The following MPRIP variants were observed in gnomAD, a reference collection of about 807,000 sequenced individuals.
The protein encoded by MPRIP is myosin phosphatase Rho-interacting protein.
A neutral mutation model predicts 234.9 loss-of-function variants in MPRIP; 59 were observed. The observed-to-expected ratio is 0.25, with a 90% CI of 0.20 to 0.31. The LOEUF (loss-of-function observed/expected upper bound fraction) is 0.31, where lower values mean the gene tolerates loss of function less well. MPRIP is among the 10% of genes least tolerant of loss of function. The probability of loss-of-function intolerance (pLI) is 1.00; values close to 1 mark genes in which losing one functional copy is unlikely to be tolerated. For missense variants in MPRIP, 2,436 were observed against 3,071.0 expected (o/e 0.79, Z 4.89); for synonymous variants, 1,144 against 1,263.9 (o/e 0.91, Z 2.01).
At chr17:17,128,112 CAG>C (rs2144400450) in intron 4 of MPRIP, among the ~76,000 whole-genome samples, 1 of 152,342 alleles carries the variant, frequency 6.6e-6, no homozygotes, top group South Asian at 2.1e-4. Context: ...GGCCTAGAGA[CAG>C]GAGCCTGGCC....
At chr17:17,131,128 A>T (rs555315870) in intron 4 of MPRIP, among the ~76,000 whole-genome samples, 1 of 152,026 alleles carries the variant, frequency 6.6e-6, no homozygotes, top group South Asian at 2.1e-4. Context: ...GGTGCCCAGC[A>T]CCCTCCCTCT....
In MPRIP at chr17:17,167,660, C is replaced by G. The variant is rs749312303; in HGVS notation, c.6069C>G (p.His2023Gln). 3.6e-4 allele frequency: 475 copies of G among 1,304,142 alleles called. No homozygotes were observed. The highest frequency in any genetic ancestry group is 4.6e-4 in the Non-Finnish European group (454 of 988,970). The allele number at this position is 1,304,142 out of a possible 1,614,324, so 80.8% of individuals were successfully genotyped here. Residue 2023 changes from histidine (H) to glutamine (Q), a missense_variant, in exon 16 of 24, where the codon CAC (histidine) becomes CAG (glutamine). Physicochemically the swap from His to Gln is conservative, Grantham distance 24. Transcript: ENST00000651222. This position sits in a 1 kb window ranked among gnomAD's most constrained non-coding sequence, Gnocchi z 5.9. ...AGGAGCTGAGGACCCTGCAGGAGCA[C>G]TACTCGCAGAGCCTGAGGTGCCTTC... ...HEEELRTLQEHYSQSLRCLQD... is the reference protein window; with the variant it reads ...HEEELRTLQEQYSQSLRCLQD...
chr17:17,127,336 A>ACTGC (rs2090512456), intron 4 of MPRIP, among the ~76,000 whole-genome samples: 2 of 152,154 alleles, frequency 1.3e-5, no homozygotes, highest in South Asian at 4.1e-4. Flanking sequence ...CCAGCACCTC[A>ACTGC]CACCCGAGCC....
At chr17:17,067,304 G>C (rs1455141502) in intron 1 of MPRIP, among the ~76,000 whole-genome samples, 1 of 152,038 alleles carries the variant, frequency 6.6e-6, no homozygotes, top group Non-Finnish European at 1.5e-5. Flanking sequence ...TCAAATTGCT[G>C]TCATCACTAC....
chr17:17,079,710 G>A (rs1228144297), intron 3 of MPRIP, among the ~76,000 whole-genome samples: 1 of 152,240 alleles, frequency 6.6e-6, no homozygotes, highest in Non-Finnish European at 1.5e-5. Context: ...TTTCCTTGGG[G>A]ACTGATAATT....
chr17:17,120,533 C>T (rs1426763898), intron 3 of MPRIP, among the ~76,000 whole-genome samples: 1 of 152,090 alleles, frequency 6.6e-6, no homozygotes, highest in Non-Finnish European at 1.5e-5. Flanking sequence ...TGTCCTCCTG[C>T]CTAAACAATC....
At chr17:17,157,451 A>G (rs934766790) in intron 13 of MPRIP, among the ~76,000 whole-genome samples, 1 of 152,156 alleles carries the variant, frequency 6.6e-6, no homozygotes, top group Non-Finnish European at 1.5e-5. Context: ...ACTCGTGGCC[A>G]CCTGGGCCTC....
At chr17:17,157,151 C>T (rs1351676230) in intron 13 of MPRIP, among the ~76,000 whole-genome samples, 2 of 152,194 alleles carry the variant, frequency 1.3e-5, no homozygotes, top group African/African-American at 4.8e-5. Flanking sequence ...CTCAAACACT[C>T]CCAGCCTCCT....
intron 14 of MPRIP, among the ~76,000 whole-genome samples, chr17:17,159,936 C>T (rs1021662493): frequency 6.6e-6 from 1 of 152,160 alleles, no homozygotes; most frequent in African/African-American, 2.4e-5. Context: ...TTTCATTTTC[C>T]TCATCCATTA....
chr17:17,094,613 T>A (rs1226985739), intron 3 of MPRIP, among the ~76,000 whole-genome samples: 1 of 151,006 alleles, frequency 6.6e-6, no homozygotes, highest in Non-Finnish European at 1.5e-5. Context: ...CTCTCCTCTC[T>A]TCACTGTCTT....
chr17:17,177,116 CAG>C (rs2046271826), intron 21 of MPRIP, 132 bp from the exon 22 acceptor site: 2 of 863,200 alleles, frequency 2.3e-6, no homozygotes, highest in Non-Finnish European at 3.7e-6. Flanking sequence ...CTCTAGAAGA[CAG>C]AGGTGAACAA....
chr17:17,072,481 A>G (rs547367958), intron 1 of MPRIP, among the ~76,000 whole-genome samples: 2 of 152,334 alleles, frequency 1.3e-5, no homozygotes, highest in South Asian at 4.1e-4. Context: ...TGTCATAGCA[A>G]TGTAATTACG....
chr17:17,177,525 G>A, intron 22 of MPRIP, 113 bp downstream of exon 22: 4 of 1,187,256 alleles, frequency 3.4e-6, no homozygotes, highest in Non-Finnish European at 4.7e-6. Context: ...GATGCTTGTA[G>A]ACCCAGGCAT....
Position 17,164,683 on chromosome 17 carries a change from A to C in MPRIP, c.3092A>C (p.Lys1031Thr). Residue 1031 changes from lysine to threonine, a missense_variant, in exon 16 of 24, where the codon AAG (lysine) becomes ACG (threonine). By Grantham distance (78) the Lys-to-Thr change is moderately conservative. This residue lies in a region of MPRIP where 1,998 missense variants were observed against 2,520.3 expected (regional missense o/e 0.79). Coordinates refer to ENST00000651222, the MANE Select transcript of MPRIP (RefSeq NM_001364716.4). ...NYELLLESCEKEKQALLQNLK... is the reference protein window; with the variant it reads ...NYELLLESCETEKQALLQNLK... ...GAGCTGCTGCTGGAGAGCTGTGAGA[A>C]GGAGAAGCAGGCATTGCTGCAGAAC... is the stretch of plus-strand genomic sequence containing the variant. 1 of 1,264,116 alleles carries C rather than the reference A, an allele frequency of 7.9e-7. No homozygotes were observed. Among genetic ancestry groups the C allele is most frequent in the South Asian group, 1.3e-5 (1 of 74,916 alleles). 78.3% of individuals were successfully genotyped at this position (1,264,116 alleles called of 1,614,324 possible).
intron 5 of MPRIP, among the ~76,000 whole-genome samples, chr17:17,132,760 G>A (rs2090622666): frequency 1.4e-5 from 2 of 145,528 alleles, no homozygotes; most frequent in South Asian, 4.1e-4. Context: ...GGAGGCAGGT[G>A]GGGGACACCC....
In MPRIP at chr17:17,164,230, C is replaced by T; in HGVS notation, c.2639C>T (p.Thr880Ile). ...RQELITHQIQTLKRSYGEAKD... is the reference protein window; with the variant it reads ...RQELITHQIQILKRSYGEAKD... ...GAGCTGATTACACACCAGATTCAGA[C>T]CCTGAAGCGTAGCTATGGGGAGGCC... The change falls in exon 16 of 24, where the codon ACC becomes ATC. Residue 880 changes from threonine (T) to isoleucine (I), a missense_variant. This residue lies in a region of MPRIP where 1,998 missense variants were observed against 2,520.3 expected (regional missense o/e 0.79). Coordinates refer to ENST00000651222, the MANE Select transcript of MPRIP (RefSeq NM_001364716.4). 1 of 1,304,364 alleles carries T rather than the reference C, an allele frequency of 7.7e-7. No homozygotes were observed. The highest frequency in any genetic ancestry group is 1.0e-6 in the Non-Finnish European group (1 of 989,006). The allele number at this position is 1,304,364 out of a possible 1,614,324, so 80.8% of individuals were successfully genotyped here. A position where few individuals can be genotyped will look rare whatever the true frequency, so the allele number is the denominator to read the frequency against.
intron 1 of MPRIP, among the ~76,000 whole-genome samples, chr17:17,065,801 T>C (rs2089006952): frequency 6.6e-6 from 1 of 152,230 alleles, no homozygotes; most frequent in Non-Finnish European, 1.5e-5. Context: ...ACATTATGTC[T>C]CTCTTATTTA....
intron 18 of MPRIP, among the ~76,000 whole-genome samples, chr17:17,173,587 C>T (rs1479380774): frequency 6.6e-6 from 1 of 152,178 alleles, no homozygotes; most frequent in Non-Finnish European, 1.5e-5. Context: ...CAGATGGCTT[C>T]AAAAGTGGGT....
At chr17:17,169,555 G>A (rs1462514838) in intron 16 of MPRIP, among the ~76,000 whole-genome samples, 1 of 152,258 alleles carries the variant, frequency 6.6e-6, no homozygotes, top group African/African-American at 2.4e-5. Context: ...AACAGATGAT[G>A]CAGGTCGGGA....
Sources: gnomAD v4.1 joint callset for allele counts (sites outside exome capture counted in the v4.1 genomes callset) on GRCh38, gnomAD v4.1.1 for gene constraint, gnomAD v4.1.1 regional missense constraint, Gnocchi (gnomAD v3.1) non-coding constraint, MANE v1.5 for transcripts, NCBI Gene and HGNC (gene_info 2026-07-23, HGNC 2026-07-21) for gene names.